FRG1: variants seen among roughly 807,000 people sequenced by gnomAD.
The protein encoded by FRG1 is FSHD region gene 1, also known as protein FRG1.
Under a neutral mutation model 37.0 loss-of-function variants are expected in FRG1, and 19 were observed. That is an observed-to-expected ratio of 0.51 (90% CI 0.36 to 0.75). The LOEUF (loss-of-function observed/expected upper bound fraction) is 0.75. FRG1 is among the 30% of genes least tolerant of loss of function. The pLI is 0.00. For synonymous variants in FRG1, 73 were observed against 96.5 expected, an observed-to-expected ratio of 0.76 and a Z score of 1.43; for missense variants, 243 against 301.4, an observed-to-expected ratio of 0.81 and a Z score of 1.44.
At chr4:189,948,965 T>C (rs1215692645) in intron 2 of FRG1, among the ~76,000 whole-genome samples, 2 of 152,368 alleles carry the variant, frequency 1.3e-5, no homozygotes, top group East Asian at 3.9e-4. Flanking sequence ...AGTGCTGGAT[T>C]ACAGGCATGC....
chr4:189,953,268 T>G (rs1263600094), intron 4 of FRG1, 143 bp downstream of exon 4: 2 of 1,306,990 alleles, frequency 1.5e-6, no homozygotes, highest in Admixed American at 6.7e-5. Context: ...GTAGATTTTG[T>G]GATCTACTTT....
intron 1 of FRG1, chr4:189,941,901 A>AT (rs1274273421): frequency 4.6e-6 from 2 of 437,532 alleles, no homozygotes; most frequent in African/African-American, 2.0e-5. Context: ...AGGTTTTGAT[A>AT]TTTTTAGGCG....
At chr4:189,942,419 G>A (rs963666134) in intron 1 of FRG1, among the ~76,000 whole-genome samples, 7 of 152,000 alleles carry the variant, frequency 4.6e-5, no homozygotes, top group South Asian at 2.1e-4. Flanking sequence ...CCACTAATCC[G>A]CTCTCTATGT....
In FRG1 at chr4:189,963,101, A is replaced by C. The variant is rs1737307385; in HGVS notation, c.749A>C (p.Lys250Thr). ...LHETLLDRRA[K>T]LKADRYCK is the part of the protein sequence containing the mutation. ...TTTCTTTGTTTAAACAGGAGAGCCAAATTGAAAGCCGACAGATACTGCAAG... is the reference window on the plus strand; with the variant it reads ...TTTCTTTGTTTAAACAGGAGAGCCACATTGAAAGCCGACAGATACTGCAAG... The change falls in exon 9 of 9, where the codon AAA becomes ACA. Residue 250 changes from lysine (K) to threonine (T), a missense_variant. By Grantham distance (78) the Lys-to-Thr change is moderately conservative. Around this residue, in one of 2 missense-constraint regions of FRG1, gnomAD observed 133 missense variants for 199.3 expected, o/e 0.67. Transcript: ENST00000226798. The C allele has an allele frequency of 6.2e-7, 1 of 1,611,316 alleles. No individual in the cohort carries two copies. Among genetic ancestry groups the C allele is most frequent in the African/African-American group, 1.3e-5 (1 of 74,842 alleles).
rs77084305 is a variant in FRG1 at position 189,960,842 on chromosome 4, A to G, written c.629+3A>G. The G allele has an allele frequency of 1.2e-6, 2 of 1,604,430 alleles. No individual in the cohort carries two copies. The highest frequency in any genetic ancestry group is 1.7e-6 in the Non-Finnish European group (2 of 1,177,864). ...AAACAATGTGAAATCAATTATGTGTATGTATTCTTTTCCTTTTAGACCTAC... is the reference window on the plus strand; with the variant it reads ...AAACAATGTGAAATCAATTATGTGTGTGTATTCTTTTCCTTTTAGACCTAC... On this transcript the variant is annotated splice_donor_region_variant and intron_variant, in intron 7 of 8. Transcript: ENST00000226798.
At position 189,961,924 on chromosome 4, in the gene FRG1, T is replaced by G. The variant is rs753051337; in HGVS notation, c.732T>G (p.Leu244=). 6.5e-7 allele frequency: 1 copy of G among 1,529,226 alleles called. No homozygotes were observed. The allele number at this position is 1,529,226 out of a possible 1,614,324, so 94.7% of individuals were successfully genotyped here. A position where few individuals can be genotyped will look rare whatever the true frequency, so the allele number is the denominator to read the frequency against. The part of the protein sequence containing the change: ...ARKDGFLHET[L]LDRRAKLKAD... ...AAGATGGATTTTTGCATGAGACGCT[T>G]CTGGACAGGTAGCTATTTATTTACT... The change falls in exon 8 of 9, where the codon CTT becomes CTG. Residue 244 remains leucine (L), a synonymous_variant. Transcript: ENST00000226798.
At chr4:189,944,598 C>T (rs111281739) in intron 2 of FRG1, among the ~76,000 whole-genome samples, 1 of 145,828 alleles carries the variant, frequency 6.9e-6, no homozygotes, top group Non-Finnish European at 1.5e-5. Context: ...GTTGTGAGTT[C>T]GGTTTCAAGA....
At chr4:189,961,427 A>G (rs1737225554) in intron 7 of FRG1, 1 of 157,410 alleles carries the variant, frequency 6.4e-6, no homozygotes. Flanking sequence ...TTCTCCCCCA[A>G]GATGGAGTCT....
intron 3 of FRG1, 37 bp from the exon 4 acceptor site, chr4:189,953,031 A>C (rs1473328932): frequency 5.2e-6 from 8 of 1,532,478 alleles, no homozygotes; most frequent in Middle Eastern, 2.4e-4. Context: ...TTTATAGCAA[A>C]TGTCAAATTT....
intron 2 of FRG1, among the ~76,000 whole-genome samples, chr4:189,944,417 A>C (rs1223694393): frequency 1.3e-5 from 2 of 151,580 alleles, no homozygotes; most frequent in Non-Finnish European, 2.9e-5. Context: ...ATTTTTATAA[A>C]GCTCAGTTTA....
chr4:189,947,788 T>G (rs1294364990), intron 2 of FRG1, among the ~76,000 whole-genome samples: 1 of 152,218 alleles, frequency 6.6e-6, no homozygotes, highest in Non-Finnish European at 1.5e-5. Flanking sequence ...CTCCAGTACC[T>G]TATTCTATAA....
At position 189,961,872 on chromosome 4, in the gene FRG1, A is replaced by G. The variant is rs543121899; in HGVS notation, c.680A>G (p.Asp227Gly). Reference sequence around the variant, plus strand: ...CACAAACTTAAAATAAGTAAAGAAGACAGTAAAATTCTTAAAAAGGCTCGG... The same window carrying G: ...CACAAACTTAAAATAAGTAAAGAAGGCAGTAAAATTCTTAAAAAGGCTCGG... ...QDHKLKISKE[D>G]SKILKKARKD... The change falls in exon 8 of 9, where the codon GAC becomes GGC. Residue 227 changes from aspartate to glycine, a missense_variant. This residue lies in a region of FRG1 where 133 missense variants were observed against 199.3 expected (regional missense o/e 0.67). Coordinates refer to ENST00000226798, the MANE Select transcript of FRG1 (RefSeq NM_004477.3). 3.1e-6 allele frequency: 5 copies of G among 1,599,112 alleles called. No homozygotes were observed. In the African/African-American group the frequency reaches 6.7e-5, roughly 21 times the overall value.
intron 6 of FRG1, among the ~76,000 whole-genome samples, chr4:189,957,855 A>G (rs1407653708): frequency 3.3e-5 from 5 of 152,056 alleles, no homozygotes; most frequent in African/African-American, 1.2e-4. Flanking sequence ...GTGGTCCAAC[A>G]TTTTCAAATA....
intron 8 of FRG1, 23 bp from the exon 9 acceptor site, chr4:189,963,070 T>TTTTC (rs36037419): frequency 6.4e-7 from 1 of 1,555,310 alleles, no homozygotes; most frequent in African/African-American, 1.4e-5. Context: ...ATAGATTAAT[T>TTTTC]TTATTTTTCT....
At chr4:189,941,453 CTTA>C (rs1285024824) in intron 1 of FRG1, among the ~76,000 whole-genome samples, 1 of 152,100 alleles carries the variant, frequency 6.6e-6, no homozygotes, top group East Asian at 1.9e-4. Context: ...TTCTAGAAAA[CTTA>C]TTAATTTTTT....
intron 2 of FRG1, among the ~76,000 whole-genome samples, chr4:189,947,824 A>C (rs1736593137): frequency 6.6e-6 from 1 of 151,992 alleles, no homozygotes; most frequent in Non-Finnish European, 1.5e-5. Flanking sequence ...GCACTGTAAG[A>C]CTCTCAGCTT....
At chr4:189,941,548 C>A (rs1736301974) in intron 1 of FRG1, among the ~76,000 whole-genome samples, 1 of 152,148 alleles carries the variant, frequency 6.6e-6, no homozygotes, top group African/African-American at 2.4e-5. Flanking sequence ...TGGGCTCGAA[C>A]CTGCACTCTT....
chr4:189,955,996 T>G (rs1201557162), intron 5 of FRG1, among the ~76,000 whole-genome samples: 2 of 152,142 alleles, frequency 1.3e-5, no homozygotes, highest in Non-Finnish European at 2.9e-5. Context: ...AGGTAATCAC[T>G]TAGACTAATT....
At chr4:189,950,148 CTTT>C (rs1300930336) in intron 2 of FRG1, among the ~76,000 whole-genome samples, 1 of 152,172 alleles carries the variant, frequency 6.6e-6, no homozygotes, top group African/African-American at 2.4e-5. Context: ...TGTTGAGCGT[CTTT>C]TCAAGTGCTT....
Sources: allele counts gnomAD v4.1 joint callset (sites outside exome capture counted in the v4.1 genomes callset), GRCh38; gene constraint gnomAD v4.1.1; regional missense constraint gnomAD v4.1.1; transcripts MANE v1.5; gene names NCBI Gene and HGNC (gene_info 2026-07-23, HGNC 2026-07-21).